The following ANKRD46 variants were observed in gnomAD, a reference collection of about 807,000 sequenced individuals.
ANKRD46 encodes the protein ankyrin repeat domain-containing protein 46.
In ANKRD46, 13 loss-of-function variants were observed where a neutral mutation model predicts 19.8. That is an observed-to-expected ratio of 0.66 (90% CI 0.43 to 1.04). The LOEUF is 1.04. ANKRD46 is among the 50% of genes least tolerant of loss of function. ANKRD46 has a pLI of 0.00. For synonymous variants in ANKRD46, 91 were observed against 106.9 expected, an observed-to-expected ratio of 0.85 and a Z score of 0.92; for missense variants, 185 against 274.8, an observed-to-expected ratio of 0.67 and a Z score of 2.31.
intron 1 of ANKRD46, chr8:100,551,489 A>G (rs1332681739): frequency 3.6e-5 from 28 of 774,600 alleles, no homozygotes; most frequent in Non-Finnish European, 8.9e-6. Context: ...CTCCTGGAAG[A>G]TGGTGATGGG....
intron 1 of ANKRD46, among the ~76,000 whole-genome samples, chr8:100,548,784 A>T (rs1256971530): frequency 6.6e-6 from 1 of 152,248 alleles, no homozygotes; most frequent in Non-Finnish European, 1.5e-5. Context: ...TAAACTAAAA[A>T]TGTATAGCAA....
chr8:100,522,288 G>A lies in ANKRD46; in HGVS notation c.*267C>T, dbSNP rs779157274. 52 of 1,242,938 alleles carry A rather than the reference G, an allele frequency of 4.2e-5. No homozygotes were observed. Among genetic ancestry groups the A allele is most frequent in the South Asian group, 1.3e-4 (6 of 44,924 alleles). 77.0% of individuals were successfully genotyped at this position (1,242,938 alleles called of 1,614,324 possible). ...TATCTTCCATTCTCTAGTCACTTCC[G>A]TGTTTTTATCAAACAAGGCTACGTG... is the stretch of plus-strand genomic sequence containing the variant. On this transcript the variant is annotated 3_prime_UTR_variant, in exon 5 of 5. Transcript: ENST00000335659.
At chr8:100,516,594 AG>A (rs1811638711), downstream of ANKRD46, among the ~76,000 whole-genome samples, 1 of 152,234 alleles carries the variant, frequency 6.6e-6, no homozygotes, top group African/African-American at 2.4e-5. Flanking sequence ...TAAAATAAAT[AG>A]GAATGAGGTT....
In ANKRD46 at chr8:100,543,373, CTG is replaced by C. The variant is rs1417545573; in HGVS notation, c.-130-10064_-130-10063del. Among the ~76,000 whole-genome samples, 2 of 152,108 alleles carry C rather than the reference CTG, an allele frequency of 1.3e-5. No homozygotes were observed. Among genetic ancestry groups the C allele is most frequent in the Non-Finnish European group, 2.9e-5 (2 of 68,010 alleles). Reference sequence around the variant, plus strand: ...TGTTCTATAACAAATACTAAGGAAACTGGGAATAAAATGGTAAATTTCTTTAT... The same window carrying C: ...TGTTCTATAACAAATACTAAGGAAACGGAATAAAATGGTAAATTTCTTTAT... On this transcript the variant is annotated intron_variant, in intron 1 of 4. Coordinates refer to ENST00000335659, the MANE Select transcript of ANKRD46 (RefSeq NM_001270377.2). The surrounding 1 kb of genome is among the most constrained non-coding windows in gnomAD (Gnocchi z 4.2).
At chr8:100,522,981 T>C (rs1189295795) in intron 4 of ANKRD46, among the ~76,000 whole-genome samples, 1 of 151,778 alleles carries the variant, frequency 6.6e-6, no homozygotes, top group Admixed American at 6.6e-5. Context: ...TAAATGGTAA[T>C]GAGTATGTTT....
At chr8:100,530,930 T>C (rs928080020) in intron 2 of ANKRD46, among the ~76,000 whole-genome samples, 3 of 152,204 alleles carry the variant, frequency 2.0e-5, no homozygotes, top group African/African-American at 7.2e-5. Context: ...CTAGGTCTGA[T>C]GTGAATTTCA....
chr8:100,543,140 T>G lies in ANKRD46; in HGVS notation c.-130-9829A>C, dbSNP rs1019875913. On this transcript the variant is annotated intron_variant, in intron 1 of 4. Transcript: ENST00000335659. The surrounding 1 kb of genome is among the most constrained non-coding windows in gnomAD (Gnocchi z 4.2). ...CCATTGTGACTAACATGGGAAAGAA[T>G]TGTCAAAGACTATGGATCTTAAGTT... Among the ~76,000 whole-genome samples the G allele has an allele frequency of 6.6e-6, 1 of 152,156 alleles. No individual in the cohort carries two copies. The highest frequency in any genetic ancestry group is 1.9e-4 in the East Asian group (1 of 5,168).
chr8:100,554,617 T>G (rs1281861615), intron 1 of ANKRD46: 2 of 152,088 alleles, frequency 1.3e-5, no homozygotes, highest in Non-Finnish European at 2.9e-5. Flanking sequence ...GTCCCAGATA[T>G]TCAAGGCTGA....
intron 1 of ANKRD46, among the ~76,000 whole-genome samples, chr8:100,538,936 C>T (rs542751464): frequency 2.0e-5 from 3 of 152,094 alleles, no homozygotes; most frequent in African/African-American, 7.2e-5. Flanking sequence ...TTCCTTAGCA[C>T]ATTAAAAAAG....
At position 100,546,909 on chromosome 8, in the gene ANKRD46, G is replaced by A. The variant is rs1271129415; in HGVS notation, c.-131+12802C>T. Among the ~76,000 whole-genome samples, 1 of 152,238 alleles carries A rather than the reference G, an allele frequency of 6.6e-6. No individual in the cohort carries two copies. The highest frequency in any genetic ancestry group is 2.4e-5 in the African/African-American group (1 of 41,460). ...GCCTGGCTGGGTTTCAGACTTGCAT[G>A]AGGCCTGAGGCCCCTTTGTTTTGGC... On this transcript the variant is annotated intron_variant, in intron 1 of 4. Coordinates refer to ENST00000335659, the MANE Select transcript of ANKRD46 (RefSeq NM_001270377.2). The surrounding 1 kb of genome is among the most constrained non-coding windows in gnomAD (Gnocchi z 4.0).
At chr8:100,552,340 G>C (rs1422844992) in intron 1 of ANKRD46, among the ~76,000 whole-genome samples, 1 of 150,166 alleles carries the variant, frequency 6.7e-6, no homozygotes, top group Non-Finnish European at 1.5e-5. Flanking sequence ...GTACTCTATA[G>C]AGATGGTTAT....
At chr8:100,551,120 C>T (rs1812379609) in intron 1 of ANKRD46, 5 of 479,002 alleles carry the variant, frequency 1.0e-5, no homozygotes, top group South Asian at 8.6e-5. Flanking sequence ...TGGAGAGCCC[C>T]ACAGACATAT....
At chr8:100,554,578 C>G (rs960945426) in intron 1 of ANKRD46, 1 of 151,708 alleles carries the variant, frequency 6.6e-6, no homozygotes, top group African/African-American at 2.4e-5. Flanking sequence ...TAAAAATAAA[C>G]CTTGCATGGT....
In ANKRD46 at chr8:100,532,452, A is replaced by C. The variant is rs1369801635; in HGVS notation, c.-28+757T>G. On this transcript the variant is annotated intron_variant, in intron 2 of 4. Coordinates refer to ENST00000335659, the MANE Select transcript of ANKRD46 (RefSeq NM_001270377.2). The surrounding 1 kb of genome is among the most constrained non-coding windows in gnomAD (Gnocchi z 4.7). ...CCACAGCACTCCAGCCTGGGCATCA[A>C]AGTGAGGCCTGTCTCAAAAAAACAA... 6.6e-6 allele frequency: 1 copy of C among 152,206 alleles called. No individual in the cohort carries two copies. The highest frequency in any genetic ancestry group is 1.5e-5 in the Non-Finnish European group (1 of 68,038). 9.4% of individuals were successfully genotyped at this position (152,206 alleles called of 1,614,324 possible).
intron 1 of ANKRD46, among the ~76,000 whole-genome samples, chr8:100,552,725 A>G (rs189068590): frequency 8.7e-4 from 133 of 152,378 alleles, no homozygotes; most frequent in African/African-American, 3.1e-3. Flanking sequence ...TGAGATACCT[A>G]AAATTGCTTT....
chr8:100,529,497 G>A lies in ANKRD46; in HGVS notation c.311+26C>T. ...AGAGATTAATGGGAAGAAATGACTA[G>A]ACTTCTAAAACAACAGAGAACTTAC... On this transcript the variant is annotated intron_variant, in intron 3 of 4. Coordinates refer to ENST00000335659, the MANE Select transcript of ANKRD46 (RefSeq NM_001270377.2). This position sits in a 1 kb window ranked among gnomAD's most constrained non-coding sequence, Gnocchi z 5.8. 1 of 1,587,120 alleles carries A rather than the reference G, an allele frequency of 6.3e-7. No individual in the cohort carries two copies.
At chr8:100,516,316 C>T (rs1811629844), downstream of ANKRD46, among the ~76,000 whole-genome samples, 1 of 152,106 alleles carries the variant, frequency 6.6e-6, no homozygotes, top group Non-Finnish European at 1.5e-5. Context: ...CACAGAAAGA[C>T]ACAAATAAGG....
rs773528364 is a variant in ANKRD46 at position 100,510,786 on chromosome 8, C to T, written c.637-147G>A. 7.9e-5 allele frequency: 55 copies of T among 693,282 alleles called. No homozygotes were observed. Among genetic ancestry groups the T allele is most frequent in the Non-Finnish European group, 1.2e-4 (52 of 440,440 alleles). The allele number at this position is 693,282 out of a possible 1,614,324, so 42.9% of individuals were successfully genotyped here. A position where few individuals can be genotyped will look rare whatever the true frequency, so the allele number is the denominator to read the frequency against. The stretch of plus-strand genomic sequence containing the variant: ...CTCCTCTGCCCATCTCAGCTCTCAA[C>T]GCTCACAGGAAGGGTCCTGCCGCTT... On this transcript the variant is annotated intron_variant, in intron 5 of 5. Coordinates refer to the ANKRD46 transcript ENST00000520552. The surrounding 1 kb of genome is among the most constrained non-coding windows in gnomAD (Gnocchi z 4.9).
At chr8:100,549,572 C>T (rs117322721) in intron 1 of ANKRD46, among the ~76,000 whole-genome samples, 1,874 of 152,180 alleles carry the variant, frequency 0.012, 22 homozygotes, top group Non-Finnish European at 0.019. Flanking sequence ...TTTTTTAAAA[C>T]GGTCTTTATT....
Sources: allele counts gnomAD v4.1 joint callset (sites outside exome capture counted in the v4.1 genomes callset), GRCh38; gene constraint gnomAD v4.1.1; non-coding constraint Gnocchi (gnomAD v3.1); transcripts MANE v1.5; gene names NCBI Gene and HGNC (gene_info 2026-07-23, HGNC 2026-07-21).